Variants in THSD7A observed in about 807,000 individuals in gnomAD.
The protein encoded by THSD7A is thrombospondin type 1 domain containing 7A.
Under a neutral mutation model 231.3 loss-of-function variants are expected in THSD7A, and 96 were observed. The ratio of observed to expected loss-of-function variants is 0.41; its 90% CI spans 0.35 to 0.49. The LOEUF (loss-of-function observed/expected upper bound fraction) is 0.49, where lower values mean the gene tolerates loss of function less well. Among genes scored for constraint, THSD7A ranks in the 20% least tolerant of loss-of-function variants. THSD7A has a pLI of 0.05. For synonymous variants in THSD7A, 940 were observed against 743.3 expected (o/e 1.26, Z -4.30); for missense variants, 2,290 against 2,070.2 (o/e 1.11, Z -2.06).
chr7:11,769,747 G>T (rs866346593), intron 1 of THSD7A, among the ~76,000 whole-genome samples: 1 of 151,902 alleles, frequency 6.6e-6, no homozygotes, highest in South Asian at 2.1e-4. Flanking sequence ...TTCAGTAAAC[G>T]TTTGCATTTT....
intron 6 of THSD7A, among the ~76,000 whole-genome samples, chr7:11,503,917 T>C (rs1388580616): frequency 6.6e-6 from 1 of 152,190 alleles, no homozygotes; most frequent in Non-Finnish European, 1.5e-5. Flanking sequence ...CTCAAAGAGC[T>C]AAAAGCAGAA....
At chr7:11,763,373 T>C (rs1782926694) in intron 1 of THSD7A, among the ~76,000 whole-genome samples, 1 of 152,232 alleles carries the variant, frequency 6.6e-6, no homozygotes. Context: ...ATATCTTGAC[T>C]GAACTAAGTT....
At chr7:11,774,409 C>T (rs1562545476) in intron 1 of THSD7A, among the ~76,000 whole-genome samples, 1 of 151,936 alleles carries the variant, frequency 6.6e-6, no homozygotes, top group African/African-American at 2.4e-5. Context: ...TGCTGTACAA[C>T]ATACTGCCCA....
chr7:11,456,109 G>A (rs543414906), intron 11 of THSD7A, among the ~76,000 whole-genome samples: 4 of 152,074 alleles, frequency 2.6e-5, no homozygotes, highest in Admixed American at 1.3e-4. Flanking sequence ...AATCATAATA[G>A]GTGACCTTTT....
intron 13 of THSD7A, among the ~76,000 whole-genome samples, chr7:11,433,678 C>T (rs1784546672): frequency 6.6e-6 from 1 of 151,894 alleles, no homozygotes; most frequent in African/African-American, 2.4e-5. Context: ...TTTTTTAGCT[C>T]AGTAATTATA....
chr7:11,593,118 T>A, intron 3 of THSD7A, 136 bp downstream of exon 3: 1 of 1,260,708 alleles, frequency 7.9e-7, no homozygotes, highest in Non-Finnish European at 1.1e-6. Context: ...TAAAAAAAGT[T>A]TTTTTTAAGG....
intron 7 of THSD7A, among the ~76,000 whole-genome samples, chr7:11,479,525 G>T (rs1316155018): frequency 3.9e-5 from 6 of 152,164 alleles, no homozygotes; most frequent in Admixed American, 3.9e-4. Flanking sequence ...ATAATGGAAA[G>T]ACTGACTTTT....
intron 4 of THSD7A, among the ~76,000 whole-genome samples, chr7:11,571,071 A>G (rs76483084): frequency 0.029 from 4,450 of 152,182 alleles, 248 homozygotes; most frequent in African/African-American, 0.1. Flanking sequence ...ATGGTTTTCA[A>G]TGGGCTCAGC....
chr7:11,773,340 C>G (rs1276665769), intron 1 of THSD7A, among the ~76,000 whole-genome samples: 2 of 152,082 alleles, frequency 1.3e-5, no homozygotes, highest in Admixed American at 1.3e-4. Flanking sequence ...CGTGACCAGC[C>G]TGATCAAAAT....
chr7:11,708,139 G>C (rs1780831089), intron 1 of THSD7A, among the ~76,000 whole-genome samples: 1 of 150,698 alleles, frequency 6.6e-6, no homozygotes, highest in African/African-American at 2.4e-5. Context: ...TAGAGTTAAA[G>C]CTAGCTAAGC....
chr7:11,693,530 G>A (rs1327398753), intron 1 of THSD7A, among the ~76,000 whole-genome samples: 1 of 151,546 alleles, frequency 6.6e-6, no homozygotes, highest in Admixed American at 6.6e-5. Flanking sequence ...TAGGTTAGTT[G>A]TTGAGGTATC....
intron 6 of THSD7A, among the ~76,000 whole-genome samples, chr7:11,513,924 C>T (rs533756144): frequency 6.6e-6 from 1 of 151,754 alleles, no homozygotes; most frequent in Non-Finnish European, 1.5e-5. Context: ...TACACACAAG[C>T]ACACACGCAT....
At chr7:11,680,805 G>A (rs1174663865) in intron 1 of THSD7A, among the ~76,000 whole-genome samples, 1 of 152,088 alleles carries the variant, frequency 6.6e-6, no homozygotes, top group Non-Finnish European at 1.5e-5. Context: ...ATTCCTCAAG[G>A]ATCTAGAACC....
intron 2 of THSD7A, among the ~76,000 whole-genome samples, chr7:11,631,295 T>G (rs1781646407): frequency 6.6e-6 from 1 of 152,174 alleles, no homozygotes; most frequent in South Asian, 2.1e-4. Context: ...CCTTTTTTTG[T>G]TTTTAAACTG....
chr7:11,706,630 C>CTTGTTTTTTTTTTTTTTT (rs1780776448), intron 1 of THSD7A, among the ~76,000 whole-genome samples: 1 of 66,420 alleles, frequency 1.5e-5, no homozygotes, highest in Non-Finnish European at 2.7e-5. Context: ...TAACAAGGTG[C>CTTGTTTTTTTTTTTTTTT]TTTTTTTTTT....
intron 1 of THSD7A, among the ~76,000 whole-genome samples, chr7:11,797,283 A>G (rs895060258): frequency 2.0e-5 from 3 of 152,058 alleles, no homozygotes; most frequent in African/African-American, 7.2e-5. Flanking sequence ...CATTTAAGCC[A>G]TGTGTTATTT....
At chr7:11,475,282 G>A (rs1786112332) in intron 7 of THSD7A, among the ~76,000 whole-genome samples, 1 of 152,076 alleles carries the variant, frequency 6.6e-6, no homozygotes, top group Admixed American at 6.6e-5. Flanking sequence ...GCAGACCACT[G>A]CTGGGTGAAA....
intron 2 of THSD7A, among the ~76,000 whole-genome samples, chr7:11,613,212 T>C (rs943193931): frequency 2.0e-5 from 3 of 152,202 alleles, no homozygotes; most frequent in African/African-American, 7.2e-5. Flanking sequence ...AAAGACAAAT[T>C]GCAATACCTT....
intron 4 of THSD7A, among the ~76,000 whole-genome samples, chr7:11,561,781 G>C (rs1008263930): frequency 6.6e-6 from 1 of 152,160 alleles, no homozygotes; most frequent in Non-Finnish European, 1.5e-5. Flanking sequence ...GAACCTGGGA[G>C]GCAGAGGTTG....
Sources: gnomAD v4.1 joint callset for allele counts (sites outside exome capture counted in the v4.1 genomes callset) on GRCh38, gnomAD v4.1.1 for gene constraint, MANE v1.5 for transcripts, NCBI Gene and HGNC (gene_info 2026-07-23, HGNC 2026-07-21) for gene names.